The following IQSEC1 variants were observed in gnomAD, a reference collection of about 807,000 sequenced individuals.
IQSEC1 encodes the protein IQ motif and Sec7 domain ArfGEF 1.
A neutral mutation model predicts 91.0 loss-of-function variants in IQSEC1; 31 were observed. The observed-to-expected ratio is 0.34, with a 90% CI of 0.26 to 0.46. The LOEUF is 0.46. Among genes scored for constraint, IQSEC1 ranks in the 20% least tolerant of loss-of-function variants. The pLI is 1.00. For missense variants in IQSEC1, 1,388 were observed against 1,575.6 expected (o/e 0.88, Z 2.02); for synonymous variants, 699 against 662.6 (o/e 1.05, Z -0.84).
chr3:13,121,899 GGGGACGGCCACGGCAGT>G (rs1343961795), intron 2 of IQSEC1, among the ~76,000 whole-genome samples: 1 of 152,216 alleles, frequency 6.6e-6, no homozygotes, highest in African/African-American at 2.4e-5. Context: ...CCCTGGGCTC[GGGGACGGCCACGGCAGT>G]GGGAGGCTGA....
chr3:13,188,819 C>G (rs888633391), intron 1 of IQSEC1, among the ~76,000 whole-genome samples: 8 of 152,200 alleles, frequency 5.3e-5, no homozygotes, highest in Non-Finnish European at 8.8e-5. Flanking sequence ...GGGAAAGAGA[C>G]AGAGCCAGGG....
At chr3:12,923,003 C>CT (rs2125193732) in intron 4 of IQSEC1, among the ~76,000 whole-genome samples, 1 of 152,302 alleles carries the variant, frequency 6.6e-6, no homozygotes, top group Non-Finnish European at 1.5e-5. Flanking sequence ...CCTGACCCCT[C>CT]TCCCAGGGCC....
chr3:13,142,282 G>T (rs1455081574), intron 2 of IQSEC1, among the ~76,000 whole-genome samples: 1 of 152,262 alleles, frequency 6.6e-6, no homozygotes, highest in Non-Finnish European at 1.5e-5. Flanking sequence ...CCAGAGAGGG[G>T]AAGGGCTTCC....
chr3:12,925,062 G>C (rs1258383009), intron 3 of IQSEC1, among the ~76,000 whole-genome samples: 1 of 152,158 alleles, frequency 6.6e-6, no homozygotes, highest in African/African-American at 2.4e-5. Flanking sequence ...CTGGCTGCAG[G>C]GGTGCTTCTG....
intron 1 of IQSEC1, among the ~76,000 whole-genome samples, chr3:13,248,335 T>C (rs1695140606): frequency 6.6e-6 from 1 of 152,224 alleles, no homozygotes; most frequent in African/African-American, 2.4e-5. Context: ...CAGCTGGTGC[T>C]TGAGGATCCC....
At chr3:13,267,213 A>G (rs1016490780) in intron 1 of IQSEC1, among the ~76,000 whole-genome samples, 1 of 152,182 alleles carries the variant, frequency 6.6e-6, no homozygotes, top group Non-Finnish European at 1.5e-5. Flanking sequence ...GACACCATCT[A>G]TAAACTGGAA....
intron 12 of IQSEC1, among the ~76,000 whole-genome samples, chr3:12,903,559 C>T (rs962130700): frequency 6.6e-6 from 1 of 152,234 alleles, no homozygotes; most frequent in Admixed American, 6.5e-5. Context: ...CACGCCCCAG[C>T]GCAGAGCACA....
At position 12,924,027 on chromosome 3, in the gene IQSEC1, C is replaced by A. The variant is rs1489047579; in HGVS notation, c.1730+554G>T. ...GGCAGGACGCACAGCCCCAATATCCCAGCCGGGAGAATGAGGCAGGGGCAG... is the reference window on the plus strand; with the variant it reads ...GGCAGGACGCACAGCCCCAATATCCAAGCCGGGAGAATGAGGCAGGGGCAG... On this transcript the variant is annotated intron_variant, in intron 4 of 13. Transcript: ENST00000613206. The surrounding 1 kb of genome is among the most constrained non-coding windows in gnomAD (Gnocchi z 6.3). Among the ~76,000 whole-genome samples the A allele has an allele frequency of 2.0e-5, 3 of 152,212 alleles. No individual in the cohort carries two copies. Among genetic ancestry groups the A allele is most frequent in the African/African-American group, 7.2e-5 (3 of 41,456 alleles).
intron 1 of IQSEC1, among the ~76,000 whole-genome samples, chr3:12,955,246 C>T (rs1176125136): frequency 6.6e-6 from 1 of 152,252 alleles, no homozygotes; most frequent in Admixed American, 6.5e-5. Context: ...ATCAGCCCCA[C>T]CCCTTGAGAA....
At chr3:13,016,596 C>A (rs1467142823) in intron 1 of IQSEC1, among the ~76,000 whole-genome samples, 1 of 152,216 alleles carries the variant, frequency 6.6e-6, no homozygotes, top group African/African-American at 2.4e-5. Flanking sequence ...CCTCTGTGCT[C>A]CTCCTGCAGG....
chr3:12,941,961 G>GCC (rs1559653677), intron 1 of IQSEC1, 96 bp from the exon 2 acceptor site: 4 of 1,166,166 alleles, frequency 3.4e-6, no homozygotes, highest in Non-Finnish European at 2.4e-6. Context: ...TCCTGGAGGA[G>GCC]CCCCCATGCC....
At chr3:12,998,087 T>C (rs1367076246) in intron 1 of IQSEC1, among the ~76,000 whole-genome samples, 2 of 152,228 alleles carry the variant, frequency 1.3e-5, no homozygotes, top group Non-Finnish European at 2.9e-5. Flanking sequence ...CAGTGGCTCA[T>C]ACCTGTAATT....
chr3:13,236,902 C>T (rs547180696), intron 1 of IQSEC1, among the ~76,000 whole-genome samples: 1 of 152,224 alleles, frequency 6.6e-6, no homozygotes, highest in African/African-American at 2.4e-5. Flanking sequence ...ACAAAATGCC[C>T]CCCTCCAGCC....
intron 2 of IQSEC1, among the ~76,000 whole-genome samples, chr3:13,114,541 C>T (rs968205674): frequency 2.0e-5 from 3 of 152,030 alleles, no homozygotes; most frequent in African/African-American, 7.2e-5. Flanking sequence ...CCTGTAATCC[C>T]AACAATTTGG....
intron 2 of IQSEC1, among the ~76,000 whole-genome samples, chr3:12,937,212 C>T (rs1405849615): frequency 6.6e-6 from 1 of 152,190 alleles, no homozygotes. Flanking sequence ...GGATTACAGG[C>T]GTGAGCCACC....
chr3:13,001,000 G>T (rs2124825819), intron 1 of IQSEC1, among the ~76,000 whole-genome samples: 1 of 148,952 alleles, frequency 6.7e-6, no homozygotes, highest in East Asian at 2.0e-4. Context: ...ACTCAGGCTG[G>T]AGTACAGTGG....
intron 2 of IQSEC1, among the ~76,000 whole-genome samples, chr3:13,118,555 C>A (rs1291834634): frequency 6.6e-6 from 1 of 152,176 alleles, no homozygotes. Context: ...ATCAGCCAGT[C>A]ACAAAAGAAC....
chr3:13,183,517 G>C (rs1325001733), intron 1 of IQSEC1, among the ~76,000 whole-genome samples: 1 of 151,810 alleles, frequency 6.6e-6, no homozygotes, highest in Non-Finnish European at 1.5e-5. Flanking sequence ...AGTGAGCCAA[G>C]ATCATACCAC....
At chr3:13,258,052 AAAG>A (rs1243509306) in intron 1 of IQSEC1, among the ~76,000 whole-genome samples, 3 of 152,208 alleles carry the variant, frequency 2.0e-5, no homozygotes, top group African/African-American at 7.2e-5. Context: ...TGACTAAGTG[AAAG>A]AAGGTGACCT....
Sources: allele counts gnomAD v4.1 joint callset (sites outside exome capture counted in the v4.1 genomes callset), GRCh38; gene constraint gnomAD v4.1.1; non-coding constraint Gnocchi (gnomAD v3.1); transcripts MANE v1.5; gene names NCBI Gene and HGNC (gene_info 2026-07-23, HGNC 2026-07-21).